Variants in SLC22A2 observed in about 807,000 individuals in gnomAD.
The protein encoded by SLC22A2 is solute carrier family 22 member 2.
Under a neutral mutation model 60.5 loss-of-function variants are expected in SLC22A2, and 46 were observed. That is an observed-to-expected ratio of 0.76 (90% CI 0.60 to 0.97). The LOEUF (loss-of-function observed/expected upper bound fraction) is 0.97. SLC22A2 is among the 50% of genes least tolerant of loss of function. The pLI, the probability that SLC22A2 is intolerant of heterozygous loss-of-function variation, is 0.00. For synonymous variants in SLC22A2, 303 were observed against 267.0 expected, an observed-to-expected ratio of 1.13 and a Z score of -1.31; for missense variants, 701 against 706.6, an observed-to-expected ratio of 0.99 and a Z score of 0.09.
chr6:160,238,145 G>A (rs573682185), intron 9 of SLC22A2, among the ~76,000 whole-genome samples: 139 of 152,230 alleles, frequency 9.1e-4, no homozygotes, highest in African/African-American at 3.3e-3. Flanking sequence ...CTGTGAACTC[G>A]CCCTGAATTC....
At position 160,233,802 on chromosome 6, in the gene SLC22A2, G is replaced by A. The variant is rs984855218; in HGVS notation, c.1501+7672C>T. ...TCCCACGCTGCCCCTAATTCCACTC[G>A]AACCAGCCCTGAGAAACATCACTCA... is the stretch of plus-strand genomic sequence containing the variant. On this transcript the variant is annotated intron_variant, in intron 9 of 10. Coordinates refer to ENST00000366953, the MANE Select transcript of SLC22A2 (RefSeq NM_003058.4). Among the ~76,000 whole-genome samples the A allele has an allele frequency of 4.6e-5, 7 of 151,402 alleles. No individual in the cohort carries two copies. In the South Asian group the frequency reaches 8.4e-4, roughly 18 times the overall value.
In SLC22A2 at chr6:160,217,328, A is replaced by G; in HGVS notation, c.*104T>C. The G allele has an allele frequency of 1.5e-6, 1 of 678,554 alleles. No homozygotes were observed. Among genetic ancestry groups the G allele is most frequent in the Non-Finnish European group, 2.6e-6 (1 of 390,640 alleles). The allele number at this position is 678,554 out of a possible 1,614,324, so 42.0% of individuals were successfully genotyped here. On this transcript the variant is annotated 3_prime_UTR_variant, in exon 11 of 11. Transcript: ENST00000366953. ...ACCTAGGTTGATAGGGCTCAGGGGT[A>G]AGTTTGGTTGAGTTGTATGGGCTTT...
At chr6:160,229,284 A>G (rs956924818) in intron 9 of SLC22A2, among the ~76,000 whole-genome samples, 1 of 151,638 alleles carries the variant, frequency 6.6e-6, no homozygotes, top group Non-Finnish European at 1.5e-5. Context: ...CCACACTTCA[A>G]TCTCTCCCTT....
intron 2 of SLC22A2, among the ~76,000 whole-genome samples, chr6:160,254,775 A>T (rs1783241907): frequency 6.6e-6 from 1 of 152,218 alleles, no homozygotes; most frequent in Admixed American, 6.5e-5. Context: ...AGGGGATTTC[A>T]ACAATAGGAA....
At chr6:160,220,934 C>A (rs929361838) in intron 10 of SLC22A2, among the ~76,000 whole-genome samples, 1 of 152,150 alleles carries the variant, frequency 6.6e-6, no homozygotes, top group Non-Finnish European at 1.5e-5. Flanking sequence ...TTCTTAGGGA[C>A]CCTAGGGTTT....
intron 10 of SLC22A2, among the ~76,000 whole-genome samples, chr6:160,219,014 C>CCAGCAGCAGTAG (rs1782596288): frequency 4.1e-4 from 2 of 4,836 alleles, no homozygotes; most frequent in Non-Finnish European, 9.1e-4. Context: ...AGCAGCAACA[C>CCAGCAGCAGTAG]CAGCAGCAGT....
intron 1 of SLC22A2, chr6:160,257,671 TGGC>T (rs1783296115): frequency 6.6e-6 from 1 of 152,238 alleles, no homozygotes; most frequent in Non-Finnish European, 1.5e-5. Flanking sequence ...ACTAGGCAAC[TGGC>T]TCTCTCAGTA....
intron 9 of SLC22A2, among the ~76,000 whole-genome samples, chr6:160,228,289 T>C (rs1782759422): frequency 6.6e-6 from 1 of 152,268 alleles, no homozygotes; most frequent in African/African-American, 2.4e-5. Context: ...ACTGCAGCAC[T>C]GATTAATTAA....
At chr6:160,243,085 C>T (rs1275806402) in intron 7 of SLC22A2, among the ~76,000 whole-genome samples, 3 of 152,138 alleles carry the variant, frequency 2.0e-5, no homozygotes, top group East Asian at 1.9e-4. Flanking sequence ...CTCCATATTG[C>T]TAAAAGGATT....
At chr6:160,225,059 A>G (rs1334717490) in intron 9 of SLC22A2, among the ~76,000 whole-genome samples, 2 of 152,218 alleles carry the variant, frequency 1.3e-5, no homozygotes, top group African/African-American at 2.4e-5. Context: ...GGTAGAGGAC[A>G]TTGCCACCAT....
At position 160,242,415 on chromosome 6, in the gene SLC22A2, A is replaced by G. The variant is rs1783024790; in HGVS notation, c.1280-13T>C. ...AGCCATTGTAGATCTAAGAGGGAAA[A>G]GAACAGTACTTATCCGTACACAGAT... is the stretch of plus-strand genomic sequence containing the variant. On this transcript the variant is annotated splice_polypyrimidine_tract_variant and intron_variant, in intron 7 of 10. Transcript: ENST00000366953. 2 of 1,360,184 alleles carry G rather than the reference A, an allele frequency of 1.5e-6. No homozygotes were observed. The highest frequency in any genetic ancestry group is 2.1e-6 in the Non-Finnish European group (2 of 948,218). 84.3% of individuals were successfully genotyped at this position (1,360,184 alleles called of 1,614,324 possible). A position where few individuals can be genotyped will look rare whatever the true frequency, so the allele number is the denominator to read the frequency against.
Position 160,229,249 on chromosome 6 carries a change from C to G in SLC22A2, c.1502-4445G>C, listed in dbSNP as rs563628732. The stretch of plus-strand genomic sequence containing the variant: ...TCCAACCTCTCTCACTATCCCTCAA[C>G]CTCTTTCTTCTTTCAATCTTGGCAC... On this transcript the variant is annotated intron_variant, in intron 9 of 10. Coordinates refer to ENST00000366953, the MANE Select transcript of SLC22A2 (RefSeq NM_003058.4). Among the ~76,000 whole-genome samples, 16 of 152,016 alleles carry G rather than the reference C, an allele frequency of 1.1e-4. 2 individuals are homozygous for G. Among genetic ancestry groups the G allele is most frequent in the Admixed American group, 4.6e-4 (7 of 15,286 alleles).
Position 160,237,154 on chromosome 6 carries a change from C to T in SLC22A2, c.1501+4320G>A, listed in dbSNP as rs190188683. Reference sequence around the variant, plus strand: ...TTTAGACTGACCCTGCTCATTCCAACGAGTGATTCCTGCAGTTCAGAAGAA... The same window carrying T: ...TTTAGACTGACCCTGCTCATTCCAATGAGTGATTCCTGCAGTTCAGAAGAA... On this transcript the variant is annotated intron_variant, in intron 9 of 10. Coordinates refer to ENST00000366953, the MANE Select transcript of SLC22A2 (RefSeq NM_003058.4). 1.8e-4 allele frequency among the ~76,000 whole-genome samples: 27 copies of T among 152,190 alleles called. No homozygotes were observed. In the East Asian group the frequency reaches 3.7e-3, roughly 21 times the overall value.
At chr6:160,256,407 A>G (rs190406988) in intron 2 of SLC22A2, among the ~76,000 whole-genome samples, 281 of 152,262 alleles carry the variant, frequency 1.8e-3, no homozygotes, top group African/African-American at 6.5e-3. Context: ...TCTGTCTATG[A>G]CCCCAGAGAA....
At chr6:160,251,529 T>C (rs562522983) in intron 2 of SLC22A2, among the ~76,000 whole-genome samples, 97 of 152,268 alleles carry the variant, frequency 6.4e-4, no homozygotes, top group Non-Finnish European at 1.2e-3. Context: ...CTTCCTTTTT[T>C]CCTTCTGTTT....
intron 2 of SLC22A2, 28 bp from the exon 3 acceptor site, chr6:160,250,730 A>G: frequency 6.2e-7 from 1 of 1,606,034 alleles, no homozygotes; most frequent in Non-Finnish European, 8.5e-7. Context: ...AAGAGAGGGA[A>G]TTGAATTAAT....
intron 9 of SLC22A2, among the ~76,000 whole-genome samples, chr6:160,226,644 C>A (rs1562431022): frequency 6.6e-6 from 1 of 152,202 alleles, no homozygotes; most frequent in Admixed American, 6.5e-5. Flanking sequence ...GGAGCCTACT[C>A]TGGCTCAGGA....
At chr6:160,228,256 C>T (rs1240647871) in intron 9 of SLC22A2, among the ~76,000 whole-genome samples, 1 of 152,208 alleles carries the variant, frequency 6.6e-6, no homozygotes, top group African/African-American at 2.4e-5. Flanking sequence ...GAGACCTCCC[C>T]TCCGCCAGCG....
chr6:160,218,043 C>T (rs1232541618), intron 10 of SLC22A2: 1 of 162,598 alleles, frequency 6.2e-6, no homozygotes, highest in African/African-American at 2.4e-5. Flanking sequence ...CCCAGCCATG[C>T]CCTTTGGACC....
Sources: gnomAD v4.1 joint callset for allele counts (sites outside exome capture counted in the v4.1 genomes callset) on GRCh38, gnomAD v4.1.1 for gene constraint, MANE v1.5 for transcripts, NCBI Gene and HGNC (gene_info 2026-07-23, HGNC 2026-07-21) for gene names.